STAU2: variants seen among roughly 807,000 people sequenced by gnomAD.
STAU2 encodes the protein double-stranded RNA-binding protein Staufen homolog 2.
A neutral mutation model predicts 65.9 loss-of-function variants in STAU2; 20 were observed. The ratio of observed to expected loss-of-function variants is 0.30; its 90% CI spans 0.21 to 0.44. The LOEUF (loss-of-function observed/expected upper bound fraction) is 0.44. Ranked by LOEUF, STAU2 falls within the 20% of genes least tolerant of loss-of-function variation. STAU2 has a pLI of 1.00. For synonymous variants in STAU2, 232 were observed against 233.9 expected, an observed-to-expected ratio of 0.99 and a Z score of 0.07; for missense variants, 558 against 683.9, an observed-to-expected ratio of 0.82 and a Z score of 2.05.
chr8:73,607,115 T>G (rs1178678346), intron 9 of STAU2, among the ~76,000 whole-genome samples: 1 of 152,176 alleles, frequency 6.6e-6, no homozygotes, highest in Non-Finnish European at 1.5e-5. Context: ...TATCAAACAG[T>G]GCACTTTAAA....
At chr8:73,604,562 G>A (rs562592969) in intron 9 of STAU2, among the ~76,000 whole-genome samples, 1 of 151,914 alleles carries the variant, frequency 6.6e-6, no homozygotes. Flanking sequence ...AGACGTATCC[G>A]GTATCCAAAA....
At chr8:73,662,569 T>A (rs1816907797) in intron 6 of STAU2, among the ~76,000 whole-genome samples, 1 of 151,846 alleles carries the variant, frequency 6.6e-6, no homozygotes, top group Non-Finnish European at 1.5e-5. Context: ...TTTATTTTTG[T>A]CTGTGGTGTG....
chr8:73,639,730 T>A (rs1814815743), intron 6 of STAU2, among the ~76,000 whole-genome samples: 1 of 152,176 alleles, frequency 6.6e-6, no homozygotes, highest in South Asian at 2.1e-4. Context: ...AATTCCATTA[T>A]CCTTGTTCTG....
chr8:73,630,830 G>A (rs1303842910), intron 6 of STAU2, among the ~76,000 whole-genome samples: 1 of 152,144 alleles, frequency 6.6e-6, no homozygotes, highest in Non-Finnish European at 1.5e-5. Context: ...TAATCCATCA[G>A]CCTTCTTTGA....
chr8:73,455,883 G>A (rs896665171), intron 13 of STAU2, among the ~76,000 whole-genome samples: 1 of 152,174 alleles, frequency 6.6e-6, no homozygotes, highest in East Asian at 1.9e-4. Context: ...CTAAAACATA[G>A]TGGATGTTCA....
intron 4 of STAU2, among the ~76,000 whole-genome samples, chr8:73,707,279 G>C (rs994658605): frequency 6.6e-6 from 1 of 152,236 alleles, no homozygotes; most frequent in Non-Finnish European, 1.5e-5. Flanking sequence ...TGAAAGGACT[G>C]TGGAAGTCAA....
chr8:73,649,869 TTA>T (rs55814743), intron 6 of STAU2, among the ~76,000 whole-genome samples: 1,948 of 71,510 alleles, frequency 0.027, 61 homozygotes, highest in African/African-American at 0.091. Flanking sequence ...CTATATAATT[TTA>T]TATATATATA....
rs142458928 is a variant in STAU2 at position 73,725,685 on chromosome 8, C to T, written c.-18+12599G>A. Among the ~76,000 whole-genome samples the T allele has an allele frequency of 2.8e-3, 423 of 152,074 alleles. 2 individuals carry two copies. Among genetic ancestry groups the T allele is most frequent in the South Asian group, 8.9e-3 (43 of 4,812 alleles). ...AGTGGCTCATGCCTGTAATCCCAGC[C>T]CTTTGGGAGGCCGAGGCAGGTGAAT... On this transcript the variant is annotated intron_variant, in intron 3 of 14. Coordinates refer to ENST00000524300, the MANE Select transcript of STAU2 (RefSeq NM_001164380.2).
At chr8:73,673,805 T>C (rs1280669066) in intron 5 of STAU2, among the ~76,000 whole-genome samples, 1 of 152,036 alleles carries the variant, frequency 6.6e-6, no homozygotes, top group Non-Finnish European at 1.5e-5. Flanking sequence ...ATATTAAAGA[T>C]ACGTACAAGT....
chr8:73,634,727 C>G (rs1814366661), intron 6 of STAU2, among the ~76,000 whole-genome samples: 1 of 152,130 alleles, frequency 6.6e-6, no homozygotes, highest in Non-Finnish European at 1.5e-5. Flanking sequence ...ATATAAGCCT[C>G]CACGTTAGGG....
Position 73,617,440 on chromosome 8 carries a change from G to C in STAU2, c.422C>G (p.Pro141Arg). ...CTGAACATAAAAGATCTTAGGCACTGGGCAATGATACCTAAAATAAGAAAA... is the reference window on the plus strand; with the variant it reads ...CTGAACATAAAAGATCTTAGGCACTCGGCAATGATACCTAAAATAAGAAAA... ...RGMYNQRYHC[P>R]VPKIFYVQLT... The change falls in exon 7 of 15, where the codon CCA (proline) becomes CGA (arginine). Residue 141 changes from proline (P) to arginine (R), a missense_variant. Physicochemically the swap from Pro to Arg is moderately radical, Grantham distance 103. This residue lies in a region of STAU2 where 199 missense variants were observed against 299.5 expected (regional missense o/e 0.66). Transcript: ENST00000524300. The C allele has an allele frequency of 6.2e-7, 1 of 1,612,572 alleles. No homozygotes were observed. The highest frequency in any genetic ancestry group is 8.5e-7 in the Non-Finnish European group (1 of 1,179,580).
chr8:73,432,159 T>G (rs1445277594), intron 13 of STAU2, among the ~76,000 whole-genome samples: 5 of 152,262 alleles, frequency 3.3e-5, no homozygotes, highest in Non-Finnish European at 5.9e-5. Context: ...ATTTTTTAAG[T>G]GTTCAAAGTT....
chr8:73,440,591 T>C (rs940118083), intron 13 of STAU2: 3 of 152,306 alleles, frequency 2.0e-5, no homozygotes, highest in Non-Finnish European at 4.4e-5. Context: ...GCTATGGTTC[T>C]AGCCCAAGCC....
rs531670134 is a variant in STAU2 at position 73,460,762 on chromosome 8, A to G, written c.1531-38060T>C. On this transcript the variant is annotated intron_variant, in intron 13 of 14. Transcript: ENST00000524300. ...AGTGCCAGACACTATACACAGCTTTATTTTTATATATATTCTTCAAACCAA... is the reference window on the plus strand; with the variant it reads ...AGTGCCAGACACTATACACAGCTTTGTTTTTATATATATTCTTCAAACCAA... Among the ~76,000 whole-genome samples the G allele has an allele frequency of 2.0e-5, 3 of 152,254 alleles. No homozygotes were observed. The South Asian group carries it at 6.2e-4, about 32-fold the overall frequency.
At chr8:73,568,613 A>C (rs1274421894) in intron 12 of STAU2, among the ~76,000 whole-genome samples, 1 of 152,226 alleles carries the variant, frequency 6.6e-6, no homozygotes, top group Non-Finnish European at 1.5e-5. Context: ...TATCTCAAAA[A>C]AAAAAAGACA....
intron 6 of STAU2, among the ~76,000 whole-genome samples, chr8:73,670,273 GT>G (rs1324832090): frequency 6.6e-6 from 1 of 152,140 alleles, no homozygotes; most frequent in Admixed American, 6.6e-5. Flanking sequence ...AAGCAGAGAT[GT>G]TACAGGAGAG....
chr8:73,719,010 G>C (rs181619234), intron 3 of STAU2, among the ~76,000 whole-genome samples: 54 of 152,286 alleles, frequency 3.5e-4, no homozygotes, highest in African/African-American at 1.3e-3. Context: ...TGAACACCAT[G>C]CATTTCCTTC....
intron 4 of STAU2, among the ~76,000 whole-genome samples, chr8:73,702,580 T>G (rs911946568): frequency 1.3e-5 from 2 of 152,066 alleles, no homozygotes; most frequent in Admixed American, 1.3e-4. Flanking sequence ...AAAAATAATT[T>G]TTTAATTAAA....
At chr8:73,506,744 T>C (rs1822091963) in intron 13 of STAU2, among the ~76,000 whole-genome samples, 1 of 152,184 alleles carries the variant, frequency 6.6e-6, no homozygotes, top group Admixed American at 6.5e-5. Flanking sequence ...TAGTATGCAA[T>C]GCTGTTTGAT....
Sources: gnomAD v4.1 joint callset for allele counts (sites outside exome capture counted in the v4.1 genomes callset) on GRCh38, gnomAD v4.1.1 for gene constraint, gnomAD v4.1.1 regional missense constraint, MANE v1.5 for transcripts, NCBI Gene and HGNC (gene_info 2026-07-23, HGNC 2026-07-21) for gene names.